Variants in ZMIZ1 observed in about 807,000 individuals in gnomAD.
The protein encoded by ZMIZ1 is zinc finger MIZ-type containing 1.
ZMIZ1 carries 17 observed loss-of-function variants against 113.9 expected under a neutral mutation model. The observed-to-expected ratio is 0.15, with a 90% CI of 0.10 to 0.22. The LOEUF is 0.22. Among genes scored for constraint, ZMIZ1 ranks in the 10% least tolerant of loss-of-function variants. The pLI, the probability that ZMIZ1 is intolerant of heterozygous loss-of-function variation, is 1.00. For synonymous variants in ZMIZ1, 607 were observed against 603.1 expected, an observed-to-expected ratio of 1.01 and a Z score of -0.09; for missense variants, 1,059 against 1,477.8, an observed-to-expected ratio of 0.72 and a Z score of 4.65.
At chr10:79,162,921 A>AAGGTCGGGGCCAGCAGGTCCTG (rs1295406527) in intron 4 of ZMIZ1, among the ~76,000 whole-genome samples, 2 of 152,084 alleles carry the variant, frequency 1.3e-5, no homozygotes, top group African/African-American at 4.8e-5. Flanking sequence ...AGCAGGTCCT[A>AAGGTCGGGGCCAGCAGGTCCTG]AGGTCGGGGC....
intron 7 of ZMIZ1, among the ~76,000 whole-genome samples, chr10:79,233,126 G>A (rs1241007153): frequency 2.6e-5 from 4 of 152,224 alleles, no homozygotes; most frequent in Non-Finnish European, 5.9e-5. Flanking sequence ...CCCAAGGGGG[G>A]TGTGGGCTCC....
intron 4 of ZMIZ1, among the ~76,000 whole-genome samples, chr10:79,186,249 T>G (rs1476398345): frequency 2.0e-5 from 3 of 152,158 alleles, no homozygotes; most frequent in Non-Finnish European, 2.9e-5. Context: ...CAGGGTCACT[T>G]TGGGTGATCT....
At chr10:79,175,433 C>T (rs1347948943) in intron 4 of ZMIZ1, among the ~76,000 whole-genome samples, 1 of 152,202 alleles carries the variant, frequency 6.6e-6, no homozygotes, top group Non-Finnish European at 1.5e-5. Flanking sequence ...TCGTGTCTCT[C>T]ACTTGGGTTT....
chr10:79,292,284 T>C lies in ZMIZ1; in HGVS notation c.885T>C (p.Ala295=), dbSNP rs774145745. 2.5e-6 allele frequency: 4 copies of C among 1,612,864 alleles called. No homozygotes were observed. The highest frequency in any genetic ancestry group is 3.4e-6 in the Non-Finnish European group (4 of 1,179,802). ...CAGTGGCAGCAGCAGCAGCCACAGC[T>C]ACAGCCACAGCCACGGCCACTGTGG... ...AAAVAAAAAT[A]TATATATVAA... The change falls in exon 11 of 25, where the codon GCT becomes GCC. Residue 295 remains alanine, a synonymous_variant. Coordinates refer to ENST00000334512, the MANE Select transcript of ZMIZ1 (RefSeq NM_020338.4).
intron 4 of ZMIZ1, among the ~76,000 whole-genome samples, chr10:79,200,829 A>G (rs1040804608): frequency 1.6e-5 from 2 of 124,816 alleles, no homozygotes; most frequent in Non-Finnish European, 3.7e-5. Context: ...ATCTCCACTC[A>G]GAGCACATGT....
At chr10:79,111,424 G>A (rs749242099) in intron 1 of ZMIZ1, among the ~76,000 whole-genome samples, 2 of 152,342 alleles carry the variant, frequency 1.3e-5, no homozygotes, top group Admixed American at 6.5e-5. Context: ...AATCATTCCC[G>A]GGGAAAGGTG....
chr10:79,297,892 G>A (rs991962421), intron 14 of ZMIZ1, among the ~76,000 whole-genome samples: 1 of 152,154 alleles, frequency 6.6e-6, no homozygotes. Flanking sequence ...AGGGTAAAGT[G>A]TCAGCCTGGC....
intron 6 of ZMIZ1, among the ~76,000 whole-genome samples, chr10:79,215,105 C>A (rs536565586): frequency 1.3e-5 from 2 of 152,146 alleles, no homozygotes. Context: ...TGGAAGCCCC[C>A]CATTTGCTGG....
rs182940480 is a variant in ZMIZ1 at position 79,282,686 on chromosome 10, G to A, written c.425+5361G>A. On this transcript the variant is annotated intron_variant, in intron 8 of 24. Coordinates refer to ENST00000334512, the MANE Select transcript of ZMIZ1 (RefSeq NM_020338.4). ...CCCTGCTGATGGGGGACATGGTGCC[G>A]CATGAGCAGGATGTCAGGAAAGGGT... Among the ~76,000 whole-genome samples, 234 of 152,338 alleles carry A rather than the reference G, an allele frequency of 1.5e-3. 2 individuals are homozygous for A. Among genetic ancestry groups the A allele is most frequent in the Non-Finnish European group, 1.7e-3 (116 of 68,030 alleles).
intron 16 of ZMIZ1, 42 bp from the exon 17 acceptor site, chr10:79,300,690 C>T: frequency 6.3e-7 from 1 of 1,588,416 alleles, no homozygotes; most frequent in Non-Finnish European, 8.5e-7. Context: ...CATGGACAGC[C>T]CCCTGGCAGA....
intron 17 of ZMIZ1, 102 bp downstream of exon 17, chr10:79,301,044 C>G (rs1854264680): frequency 6.7e-7 from 1 of 1,487,062 alleles, no homozygotes; most frequent in Non-Finnish European, 9.0e-7. Flanking sequence ...AGCCTTGTCC[C>G]TGCGTCACCA....
chr10:79,283,895 G>T (rs775467888), intron 8 of ZMIZ1, among the ~76,000 whole-genome samples: 3 of 152,230 alleles, frequency 2.0e-5, no homozygotes, highest in Non-Finnish European at 4.4e-5. Flanking sequence ...GGGAGCTTCA[G>T]CTCCTCACTG....
intron 4 of ZMIZ1, among the ~76,000 whole-genome samples, chr10:79,178,347 C>G (rs1245956389): frequency 6.6e-6 from 1 of 152,236 alleles, no homozygotes; most frequent in Non-Finnish European, 1.5e-5. Context: ...CTCAGTTGGT[C>G]GTGAACAGAG....
At position 79,198,449 on chromosome 10, in the gene ZMIZ1, G is replaced by A. The variant is rs966368418; in HGVS notation, c.-49-3135G>A. Among the ~76,000 whole-genome samples, 11 of 152,108 alleles carry A rather than the reference G, an allele frequency of 7.2e-5. 1 individual carries two copies. The highest frequency in any genetic ancestry group is 7.2e-4 in the Admixed American group (11 of 15,292). ...ACCCCCCTCCTCCTTCCCCAGGCAG[G>A]TATTTCGATAGATAAATGATGGGTG... On this transcript the variant is annotated intron_variant, in intron 4 of 24. Transcript: ENST00000334512.
At chr10:79,302,486 C>T (rs902178778) in intron 18 of ZMIZ1, among the ~76,000 whole-genome samples, 7 of 152,150 alleles carry the variant, frequency 4.6e-5, no homozygotes, top group Non-Finnish European at 7.3e-5. Context: ...GGAGCCAGAA[C>T]AGGCATACCT....
chr10:79,101,773 G>T (rs753995241), intron 1 of ZMIZ1, among the ~76,000 whole-genome samples: 1 of 152,202 alleles, frequency 6.6e-6, no homozygotes, highest in Admixed American at 6.5e-5. Flanking sequence ...CAGCCGTGGG[G>T]CCTCAGGGGC....
intron 1 of ZMIZ1, among the ~76,000 whole-genome samples, chr10:79,102,454 C>G (rs561191989): frequency 4.1e-4 from 62 of 152,202 alleles, no homozygotes; most frequent in Non-Finnish European, 8.7e-4. Flanking sequence ...ATTCCAGGAT[C>G]CAGGGAGAGA....
At chr10:79,305,494 T>C (rs1318966165) in intron 20 of ZMIZ1, 39 bp from the exon 21 acceptor site, 1 of 1,609,742 alleles carries the variant, frequency 6.2e-7, no homozygotes, top group South Asian at 1.1e-5. Context: ...CCTCCTTGGG[T>C]CCTGGAGCAG....
intron 8 of ZMIZ1, among the ~76,000 whole-genome samples, chr10:79,283,996 T>C (rs1409039217): frequency 6.6e-6 from 1 of 152,192 alleles, no homozygotes; most frequent in Non-Finnish European, 1.5e-5. Flanking sequence ...AGTCTGACAA[T>C]ACCCTTAATG....
Sources: allele counts gnomAD v4.1 joint callset (sites outside exome capture counted in the v4.1 genomes callset), GRCh38; gene constraint gnomAD v4.1.1; transcripts MANE v1.5; gene names NCBI Gene and HGNC (gene_info 2026-07-23, HGNC 2026-07-21).